ESR1: variants seen among roughly 807,000 people sequenced by gnomAD.
The protein encoded by ESR1 is estrogen receptor 1.
ESR1 carries 12 observed loss-of-function variants against 52.7 expected under a neutral mutation model. The observed-to-expected ratio is 0.23, with a 90% CI of 0.15 to 0.37. The LOEUF is 0.37. Among genes scored for constraint, ESR1 ranks in the 10% least tolerant of loss-of-function variants. The probability of loss-of-function intolerance (pLI) is 1.00; values close to 1 mark genes in which losing one functional copy is unlikely to be tolerated. For missense variants in ESR1, 584 were observed against 779.7 expected (o/e 0.75, Z 2.99); for synonymous variants, 305 against 316.8 (o/e 0.96, Z 0.39).
At chr6:151,722,856 G>T (rs1414612777) in intron 2 of ESR1, among the ~76,000 whole-genome samples, 3 of 152,156 alleles carry the variant, frequency 2.0e-5, no homozygotes, top group Non-Finnish European at 4.4e-5. Context: ...ATACCTGAAA[G>T]GTTAGAGAAG....
At chr6:152,124,289 A>G (rs2052551917) in intron 6 of ESR1, among the ~76,000 whole-genome samples, 1 of 149,356 alleles carries the variant, frequency 6.7e-6, no homozygotes, top group East Asian at 2.0e-4. Flanking sequence ...ATCCTGGGCA[A>G]CAGAGCGAGA....
chr6:151,938,649 C>G (rs1448554325), intron 3 of ESR1, among the ~76,000 whole-genome samples: 2 of 152,158 alleles, frequency 1.3e-5, no homozygotes, highest in African/African-American at 2.4e-5. Context: ...ATCTCTCTCC[C>G]TTTCCTCCTC....
At chr6:151,845,872 G>A (rs1276720503) in intron 2 of ESR1, among the ~76,000 whole-genome samples, 1 of 152,106 alleles carries the variant, frequency 6.6e-6, no homozygotes, top group African/African-American at 2.4e-5. Flanking sequence ...TCATTGACTA[G>A]CTTTACTAAC....
At chr6:151,711,029 A>C (rs957778378) in intron 2 of ESR1, among the ~76,000 whole-genome samples, 5 of 152,148 alleles carry the variant, frequency 3.3e-5, no homozygotes, top group Non-Finnish European at 7.3e-5. Context: ...ATGTGTCTTT[A>C]TAGTAGAATG....
At chr6:151,905,911 C>A (rs968118172) in intron 3 of ESR1, among the ~76,000 whole-genome samples, 35 of 152,072 alleles carry the variant, frequency 2.3e-4, no homozygotes, top group Admixed American at 1.3e-4. Context: ...ATTTCAAGGG[C>A]AATAGATTAA....
At chr6:151,683,864 A>ATT (rs66983259) in intron 1 of ESR1, among the ~76,000 whole-genome samples, 4,331 of 118,382 alleles carry the variant, frequency 0.037, 297 homozygotes, top group African/African-American at 0.13. Flanking sequence ...ACGTCTGGCT[A>ATT]TTTTTTTTTT....
At chr6:151,806,310 CA>C (rs1254271835), upstream of ESR1, among the ~76,000 whole-genome samples, 4 of 151,646 alleles carry the variant, frequency 2.6e-5, no homozygotes, top group Non-Finnish European at 5.9e-5. Flanking sequence ...ATAAAATAGT[CA>C]AAAATGTAAC....
intron 5 of ESR1, among the ~76,000 whole-genome samples, chr6:152,027,243 G>C (rs909286134): frequency 2.0e-5 from 3 of 152,082 alleles, no homozygotes; most frequent in Non-Finnish European, 4.4e-5. Context: ...GGGATTACAG[G>C]TGTAAGCCAC....
At chr6:152,103,619 A>G (rs2051022087), downstream of ESR1, among the ~76,000 whole-genome samples, 1 of 152,226 alleles carries the variant, frequency 6.6e-6, no homozygotes. Context: ...CTCATTAAAC[A>G]TAGTTGCTGT....
At chr6:151,697,396 C>A (rs1298854447) in intron 1 of ESR1, among the ~76,000 whole-genome samples, 1 of 152,220 alleles carries the variant, frequency 6.6e-6, no homozygotes, top group Non-Finnish European at 1.5e-5. Flanking sequence ...CTTGGTGCCC[C>A]ATCTTCCTAA....
chr6:151,663,413 A>G (rs1356307830), intron 1 of ESR1, among the ~76,000 whole-genome samples: 1 of 152,226 alleles, frequency 6.6e-6, no homozygotes, highest in Non-Finnish European at 1.5e-5. Context: ...CACTTTGCCC[A>G]GTACATTTAG....
chr6:151,765,183 C>T (rs1393940174), intron 2 of ESR1, among the ~76,000 whole-genome samples: 2 of 152,010 alleles, frequency 1.3e-5, no homozygotes, highest in Admixed American at 1.3e-4. Context: ...ATGTGGTGTA[C>T]GTTTTTCACT....
At chr6:151,685,164 T>C (rs1778613123) in intron 1 of ESR1, among the ~76,000 whole-genome samples, 1 of 124,852 alleles carries the variant, frequency 8.0e-6, no homozygotes, top group South Asian at 2.9e-4. Context: ...TCTCGCTCTG[T>C]CGCCCAGGCC....
At chr6:152,116,957 G>T (rs2152514845) in intron 6 of ESR1, among the ~76,000 whole-genome samples, 1 of 152,300 alleles carries the variant, frequency 6.6e-6, no homozygotes, top group African/African-American at 2.4e-5. Flanking sequence ...TGCTGTTACT[G>T]CTTGCTATCA....
At chr6:151,849,430 G>A (rs1785862166) in intron 2 of ESR1, among the ~76,000 whole-genome samples, 1 of 152,132 alleles carries the variant, frequency 6.6e-6, no homozygotes, top group Non-Finnish European at 1.5e-5. Context: ...CAGATCACGA[G>A]GTCAGGAGTT....
In ESR1 at chr6:151,885,699, T is replaced by A. The variant is rs146344038; in HGVS notation, c.760+4928T>A. Among the ~76,000 whole-genome samples the A allele has an allele frequency of 7.3e-3, 1,117 of 152,206 alleles. 11 individuals carry two copies. The highest frequency in any genetic ancestry group is 0.011 in the Non-Finnish European group (749 of 68,020). On this transcript the variant is annotated intron_variant, in intron 3 of 7. Coordinates refer to ENST00000206249, the MANE Select transcript of ESR1 (RefSeq NM_000125.4). Reference sequence around the variant, plus strand: ...GGCCAACAAGGTGAAACCTCGTCTCTACAAAATTAGCCAGGTGTGATGGCA... The same window carrying A: ...GGCCAACAAGGTGAAACCTCGTCTCAACAAAATTAGCCAGGTGTGATGGCA...
intron 1 of ESR1, among the ~76,000 whole-genome samples, chr6:151,827,446 T>C (rs530475139): frequency 3.3e-5 from 5 of 151,816 alleles, no homozygotes; most frequent in Admixed American, 2.0e-4. Context: ...TGGCTTTTAC[T>C]CTGAGTGAGT....
intron 4 of ESR1, among the ~76,000 whole-genome samples, chr6:151,989,108 G>A (rs914433040): frequency 6.6e-6 from 1 of 152,124 alleles, no homozygotes; most frequent in Non-Finnish European, 1.5e-5. Context: ...TCTATGTAGA[G>A]AGAGTTATTT....
At position 151,896,024 on chromosome 6, in the gene ESR1, G is replaced by A. The variant is rs374720405; in HGVS notation, c.760+15253G>A. Among the ~76,000 whole-genome samples, 29 of 152,280 alleles carry A rather than the reference G, an allele frequency of 1.9e-4. No individual in the cohort carries two copies. In the East Asian group the frequency reaches 4.2e-3, roughly 22 times the overall value. The stretch of plus-strand genomic sequence containing the variant: ...AGGCGGGTCTTGAACTCCTGACCTC[G>A]TGATCCACCTGCCTTGGCCTCTCAA... On this transcript the variant is annotated intron_variant, in intron 3 of 7. Transcript: ENST00000206249.
Sources: gnomAD v4.1 joint callset for allele counts (sites outside exome capture counted in the v4.1 genomes callset) on GRCh38, gnomAD v4.1.1 for gene constraint, MANE v1.5 for transcripts, NCBI Gene and HGNC (gene_info 2026-07-23, HGNC 2026-07-21) for gene names.